ZBBX: variants seen among roughly 807,000 people sequenced by gnomAD.
ZBBX encodes the protein zinc finger B-box domain containing.
ZBBX carries 101 observed loss-of-function variants against 108.5 expected under a neutral mutation model. The observed-to-expected ratio is 0.93, with a 90% CI of 0.79 to 1.10. The LOEUF is 1.10. Among genes scored for constraint, ZBBX ranks in the 50% least tolerant of loss-of-function variants. ZBBX has a pLI of 0.00. For synonymous variants in ZBBX, 356 were observed against 323.4 expected (o/e 1.10, Z -1.08); for missense variants, 1,009 against 941.4 (o/e 1.07, Z -0.94).
At chr3:167,340,405 A>C (rs1740333526) in intron 9 of ZBBX, among the ~76,000 whole-genome samples, 1 of 152,188 alleles carries the variant, frequency 6.6e-6, no homozygotes, top group Non-Finnish European at 1.5e-5. Context: ...TTTGCAAAAT[A>C]AAAGTAATTT....
At chr3:167,286,412 T>C (rs1729709043) in intron 19 of ZBBX, among the ~76,000 whole-genome samples, 1 of 152,144 alleles carries the variant, frequency 6.6e-6, no homozygotes, top group African/African-American at 2.4e-5. Flanking sequence ...TTTACATTTA[T>C]GGAAAGTACG....
upstream of ZBBX, among the ~76,000 whole-genome samples, chr3:167,381,930 C>T (rs185725529): frequency 5.1e-4 from 77 of 152,208 alleles, no homozygotes; most frequent in African/African-American, 1.8e-3. Flanking sequence ...AGGGAAGTAT[C>T]TGAATGCAAG....
intron 20 of ZBBX, among the ~76,000 whole-genome samples, chr3:167,255,376 G>C (rs548466571): frequency 6.6e-6 from 1 of 151,452 alleles, no homozygotes; most frequent in South Asian, 2.1e-4. Flanking sequence ...AAGATAAAAG[G>C]CTCAGGATTG....
At chr3:167,188,010 A>C in the ZBBX span, among the ~76,000 whole-genome samples, 2 of 152,208 alleles carry the variant, frequency 1.3e-5, no homozygotes, top group Non-Finnish European at 2.9e-5. Context: ...TATTTTCCAA[A>C]GTCTACATTA....
chr3:167,180,722 T>C, the ZBBX span, among the ~76,000 whole-genome samples: 1 of 152,326 alleles, frequency 6.6e-6, no homozygotes, highest in South Asian at 2.1e-4. Context: ...TGCAGGTTGT[T>C]TACCGCAGGA....
At chr3:167,398,570 C>T (rs9877924) in intron 1 of ZBBX, among the ~76,000 whole-genome samples, 1 of 151,744 alleles carries the variant, frequency 6.6e-6, no homozygotes, top group African/African-American at 2.4e-5. Flanking sequence ...TATATATAAA[C>T]CTACTGTATA....
the ZBBX span, among the ~76,000 whole-genome samples, chr3:167,234,418 T>C: frequency 2.0e-5 from 3 of 151,880 alleles, no homozygotes; most frequent in Non-Finnish European, 2.9e-5. Context: ...TAAAGAGATG[T>C]GGAATGTGTT....
At chr3:167,237,931 A>G (rs1476276358), downstream of ZBBX, among the ~76,000 whole-genome samples, 1 of 151,916 alleles carries the variant, frequency 6.6e-6, no homozygotes, top group East Asian at 1.9e-4. Context: ...TACACAAGAG[A>G]AAACAGTAGT....
chr3:167,214,933 A>G, the ZBBX span, among the ~76,000 whole-genome samples: 1 of 152,118 alleles, frequency 6.6e-6, no homozygotes. Context: ...AAAGTTTTTC[A>G]AAAATAATGA....
chr3:167,269,625 G>C (rs886121071), intron 20 of ZBBX, among the ~76,000 whole-genome samples: 1 of 152,202 alleles, frequency 6.6e-6, no homozygotes, highest in African/African-American at 2.4e-5. Context: ...AGGACAGATA[G>C]GGTTAAAGCC....
In ZBBX at chr3:167,285,164, T is replaced by C. The variant is rs968285640; in HGVS notation, c.1997-2669A>G. The stretch of plus-strand genomic sequence containing the variant: ...TGATTACTAATAAAACTAAGCCAAC[T>C]ATTGGGAAGATAAAATTCAATAGTG... On this transcript the variant is annotated intron_variant, in intron 19 of 21. Transcript: ENST00000675490. Among the ~76,000 whole-genome samples the C allele has an allele frequency of 3.3e-5, 5 of 152,088 alleles. No individual in the cohort carries two copies. In the South Asian group the frequency reaches 1.0e-3, roughly 31 times the overall value.
chr3:167,311,543 AAG>A (rs1465244604), intron 16 of ZBBX, among the ~76,000 whole-genome samples: 1 of 152,154 alleles, frequency 6.6e-6, no homozygotes, highest in Non-Finnish European at 1.5e-5. Context: ...TATTTGATAA[AAG>A]AGTGTTATGC....
At chr3:167,300,365 A>G (rs1732427178) in intron 17 of ZBBX, among the ~76,000 whole-genome samples, 1 of 152,050 alleles carries the variant, frequency 6.6e-6, no homozygotes, top group Non-Finnish European at 1.5e-5. Context: ...TTGAAAAAAA[A>G]CAATAACCAT....
chr3:167,258,382 A>G (rs1233728171), intron 20 of ZBBX, among the ~76,000 whole-genome samples: 1 of 152,130 alleles, frequency 6.6e-6, no homozygotes, highest in Non-Finnish European at 1.5e-5. Flanking sequence ...AAGGTGAGAA[A>G]TGAGGATCTA....
chr3:167,240,658 G>A lies in ZBBX; in HGVS notation c.*135C>T. 1 of 1,041,462 alleles carries A rather than the reference G, an allele frequency of 9.6e-7. No individual in the cohort carries two copies. Among genetic ancestry groups the A allele is most frequent in the Non-Finnish European group, 1.4e-6 (1 of 730,992 alleles). 64.5% of individuals were successfully genotyped at this position (1,041,462 alleles called of 1,614,324 possible). A position where few individuals can be genotyped will look rare whatever the true frequency, so the allele number is the denominator to read the frequency against. On this transcript the variant is annotated 3_prime_UTR_variant, in exon 22 of 22. Transcript: ENST00000675490. ...TGAACTTATAATTTTACTTTTATTAGTTTGTAGCCTTGAAACATCAAAGAC... is the reference window on the plus strand; with the variant it reads ...TGAACTTATAATTTTACTTTTATTAATTTGTAGCCTTGAAACATCAAAGAC...
intron 19 of ZBBX, among the ~76,000 whole-genome samples, chr3:167,286,834 GA>G (rs1729793223): frequency 6.6e-6 from 1 of 152,072 alleles, no homozygotes; most frequent in Non-Finnish European, 1.5e-5. Context: ...ACATAGCTAC[GA>G]TGTTTTTACA....
Position 167,317,563 on chromosome 3 carries a change from C to G in ZBBX, c.1018G>C (p.Asp340His). 1 of 1,610,390 alleles carries G rather than the reference C, an allele frequency of 6.2e-7. No homozygotes were observed. Among genetic ancestry groups the G allele is most frequent in the Non-Finnish European group, 8.5e-7 (1 of 1,178,074 alleles). ...GTTTCATGTGGATGTGGGAACGTAT[C>G]TGGTAGCATTTTAAAAAGTTGCTCT... ...PQEQLFKMLP[D>H]TFPHPHETTG... Residue 340 changes from aspartate to histidine, a missense_variant, in exon 13 of 22, where the codon GAT becomes CAT. By Grantham distance (81) the Asp-to-His change is moderately conservative (BLOSUM62 -1). Coordinates refer to ENST00000675490, the MANE Select transcript of ZBBX (RefSeq NM_001199201.2).
chr3:167,315,259 G>C (rs992432442), intron 15 of ZBBX, among the ~76,000 whole-genome samples: 3 of 152,114 alleles, frequency 2.0e-5, no homozygotes, highest in Non-Finnish European at 4.4e-5. Flanking sequence ...CAATTACAAA[G>C]TGAACCATTA....
At chr3:167,198,313 C>T in the ZBBX span, among the ~76,000 whole-genome samples, 2 of 151,838 alleles carry the variant, frequency 1.3e-5, no homozygotes, top group Admixed American at 6.6e-5. Context: ...GTTATAAGGG[C>T]TTTATTAAAC....
Sources: allele counts gnomAD v4.1 joint callset (sites outside exome capture counted in the v4.1 genomes callset), GRCh38; gene constraint gnomAD v4.1.1; transcripts MANE v1.5; gene names NCBI Gene and HGNC (gene_info 2026-07-23, HGNC 2026-07-21).